The following NDC80 variants were observed in gnomAD, a reference collection of about 807,000 sequenced individuals.
The protein encoded by NDC80 is NDC80 kinetochore complex component, also known as kinetochore protein NDC80 homolog.
NDC80 carries 69 observed loss-of-function variants against 89.3 expected under a neutral mutation model. The ratio of observed to expected loss-of-function variants is 0.77; its 90% CI spans 0.64 to 0.94. The LOEUF (loss-of-function observed/expected upper bound fraction) is 0.94. Ranked by LOEUF, NDC80 falls within the 40% of genes least tolerant of loss-of-function variation. The pLI, the probability that NDC80 is intolerant of heterozygous loss-of-function variation, is 0.00. For synonymous variants in NDC80, 243 were observed against 255.6 expected, an observed-to-expected ratio of 0.95 and a Z score of 0.47; for missense variants, 593 against 739.6, an observed-to-expected ratio of 0.80 and a Z score of 2.30.
chr18:2,616,392 A>G, intron 16 of NDC80, 45 bp from the exon 17 acceptor site: 1 of 1,294,474 alleles, frequency 7.7e-7, no homozygotes, highest in Non-Finnish European at 1.1e-6. Flanking sequence ...ATTTTAAAAG[A>G]AATTAATTTT....
At chr18:2,607,309 A>G (rs2072717122) in intron 14 of NDC80, among the ~76,000 whole-genome samples, 1 of 152,188 alleles carries the variant, frequency 6.6e-6, no homozygotes, top group African/African-American at 2.4e-5. Context: ...GAAAGGTTTT[A>G]TGATACTTAA....
chr18:2,614,439 AAAAGAAAG>A (rs758768165), intron 16 of NDC80: 299 of 24,514 alleles, frequency 0.012, 22 homozygotes, highest in African/African-American at 0.056. Flanking sequence ...CTGTCTCAAA[AAAAGAAAG>A]AAAGAAAGAA....
intron 13 of NDC80, among the ~76,000 whole-genome samples, 193 bp from the exon 14 acceptor site, chr18:2,606,222 T>C (rs1048432549): frequency 1.3e-5 from 2 of 151,952 alleles, no homozygotes; most frequent in East Asian, 1.9e-4. Flanking sequence ...ATCGTTAACT[T>C]TGAGGTTTCT....
At chr18:2,605,499 T>C (rs1189686923) in intron 13 of NDC80, among the ~76,000 whole-genome samples, 1 of 152,174 alleles carries the variant, frequency 6.6e-6, no homozygotes, top group Non-Finnish European at 1.5e-5. Context: ...GTATCTGTTG[T>C]TGTTATTACA....
chr18:2,605,314 GTGTGTGTGTGTGTGTA>G lies in NDC80; in HGVS notation c.1465-1097_1465-1082del, dbSNP rs1397789718. Among the ~76,000 whole-genome samples the G allele has an allele frequency of 5.0e-4, 73 of 146,892 alleles. No homozygotes were observed. In the Middle Eastern group the frequency reaches 0.01, roughly 21 times the overall value. On this transcript the variant is annotated intron_variant, in intron 13 of 16. Transcript: ENST00000261597. ...TGTGTGTGTGTGTGTGTGTGTGTGT[GTGTGTGTGTGTGTGTA>G]TGTACACAATGGAAATGTGTACTTT...
At chr18:2,603,053 T>TA (rs1203317545) in intron 13 of NDC80, among the ~76,000 whole-genome samples, 3 of 151,918 alleles carry the variant, frequency 2.0e-5, no homozygotes, top group Non-Finnish European at 2.9e-5. Context: ...GAGGAAAACT[T>TA]AAAGTAGGGT....
intron 14 of NDC80, among the ~76,000 whole-genome samples, chr18:2,608,361 A>G (rs1363954649): frequency 6.6e-6 from 1 of 151,908 alleles, no homozygotes; most frequent in East Asian, 1.9e-4. Context: ...GCATGCCACC[A>G]TGCCCAACTA....
chr18:2,601,678 A>T (rs1449332282), intron 13 of NDC80, among the ~76,000 whole-genome samples, 193 bp downstream of exon 13: 1 of 152,152 alleles, frequency 6.6e-6, no homozygotes, highest in East Asian at 1.9e-4. Flanking sequence ...CCTAGCCTTC[A>T]CACATCACAT....
chr18:2,588,725 CTTTGT>C (rs1346937082), intron 8 of NDC80, among the ~76,000 whole-genome samples: 1 of 152,036 alleles, frequency 6.6e-6, no homozygotes, highest in Non-Finnish European at 1.5e-5. Flanking sequence ...AAATAAATGG[CTTTGT>C]TTTAAGAGAG....
intron 16 of NDC80, 100 bp from the exon 17 acceptor site, chr18:2,616,337 A>T (rs2072783398): frequency 2.3e-6 from 2 of 867,166 alleles, no homozygotes; most frequent in African/African-American, 1.8e-5. Flanking sequence ...TTTTATTCTT[A>T]ACTTAAAAAT....
At chr18:2,606,647 C>A in intron 14 of NDC80, 140 bp downstream of exon 14, 1 of 459,448 alleles carries the variant, frequency 2.2e-6, no homozygotes, top group Non-Finnish European at 3.8e-6. Flanking sequence ...GTTTTCTCTG[C>A]CAAAGTTTAT....
intron 11 of NDC80, among the ~76,000 whole-genome samples, chr18:2,598,345 GC>G (rs1188469759): frequency 6.6e-6 from 1 of 152,200 alleles, no homozygotes; most frequent in African/African-American, 2.4e-5. Flanking sequence ...TGTTCTAGGT[GC>G]TGAGGATAGA....
chr18:2,599,630 T>A (rs1190524274), intron 12 of NDC80, among the ~76,000 whole-genome samples: 1 of 152,152 alleles, frequency 6.6e-6, no homozygotes, highest in Non-Finnish European at 1.5e-5. Context: ...ATAAAATGTA[T>A]TAGAGTACTA....
chr18:2,581,694 G>A (rs2072578887), intron 6 of NDC80, among the ~76,000 whole-genome samples: 1 of 152,146 alleles, frequency 6.6e-6, no homozygotes. Flanking sequence ...GTTTTGAACT[G>A]TCACTAGTAT....
chr18:2,606,345 A>C (rs1472968070), intron 13 of NDC80, 70 bp from the exon 14 acceptor site: 1 of 1,016,396 alleles, frequency 9.8e-7, no homozygotes, highest in Non-Finnish European at 1.4e-6. Flanking sequence ...ATAATATAAA[A>C]ACTCTATAAC....
At chr18:2,586,521 A>G (rs1896853546) in intron 7 of NDC80, among the ~76,000 whole-genome samples, 1 of 152,140 alleles carries the variant, frequency 6.6e-6, no homozygotes, top group Admixed American at 6.5e-5. Flanking sequence ...CTTGAGCTCC[A>G]GAGTTCAAGA....
chr18:2,605,693 T>A (rs977243982), intron 13 of NDC80, among the ~76,000 whole-genome samples: 15 of 151,776 alleles, frequency 9.9e-5, no homozygotes, highest in Non-Finnish European at 1.8e-4. Flanking sequence ...AATTTTTTTT[T>A]AATTTCATAT....
rs1367009379 is a variant in NDC80, at chr18:2,606,411, C to T, written c.1465-4C>T. On this transcript the variant is annotated splice_region_variant and splice_polypyrimidine_tract_variant and intron_variant, in intron 13 of 16. Transcript: ENST00000261597. ...ATTTCTCAACCAAAGTTTTATTTCC[C>T]CAGTTGAATGCAATGATAACAGAAA... 2.5e-6 allele frequency: 4 copies of T among 1,582,490 alleles called. No homozygotes were observed. Among genetic ancestry groups the T allele is most frequent in the East Asian group, 2.3e-5 (1 of 43,642 alleles).
At chr18:2,584,431 A>T (rs2072594600) in intron 6 of NDC80, among the ~76,000 whole-genome samples, 1 of 151,476 alleles carries the variant, frequency 6.6e-6, no homozygotes, top group Non-Finnish European at 1.5e-5. Flanking sequence ...TAAATTTTCT[A>T]TTTTTTCATG....
Sources: gnomAD v4.1 joint callset for allele counts (sites outside exome capture counted in the v4.1 genomes callset) on GRCh38, gnomAD v4.1.1 for gene constraint, MANE v1.5 for transcripts, NCBI Gene and HGNC (gene_info 2026-07-23, HGNC 2026-07-21) for gene names.